The following ABI2 variants were observed in gnomAD, a reference collection of about 807,000 sequenced individuals.
ABI2 encodes abl interactor 2.
A neutral mutation model predicts 59.2 loss-of-function variants in ABI2; 25 were observed. The observed-to-expected ratio is 0.42, with a 90% CI of 0.31 to 0.59. The LOEUF (loss-of-function observed/expected upper bound fraction) is 0.59. Among genes scored for constraint, ABI2 ranks in the 20% least tolerant of loss-of-function variants. The pLI, the probability that ABI2 is intolerant of heterozygous loss-of-function variation, is 0.14. For missense variants in ABI2, 545 were observed against 681.8 expected (o/e 0.80, Z 2.23); for synonymous variants, 213 against 235.5 (o/e 0.90, Z 0.87).
chr2:203,402,824 G>A (rs1325384412), intron 9 of ABI2, 90 bp downstream of exon 9: 1 of 1,122,966 alleles, frequency 8.9e-7, no homozygotes, highest in Non-Finnish European at 1.2e-6. Flanking sequence ...ATAGTGCATG[G>A]TAGGTGGTTA....
At chr2:203,390,487 C>G (rs938780204) in intron 4 of ABI2, among the ~76,000 whole-genome samples, 4 of 152,022 alleles carry the variant, frequency 2.6e-5, no homozygotes, top group African/African-American at 7.2e-5. Context: ...AAAAAATTAG[C>G]TGGTCGTGGT....
intron 9 of ABI2, among the ~76,000 whole-genome samples, chr2:203,404,080 A>G (rs1403239916): frequency 1.3e-5 from 2 of 151,686 alleles, no homozygotes; most frequent in Admixed American, 6.6e-5. Flanking sequence ...CTATTGTCCT[A>G]CCTACATATT....
Position 203,345,674 on chromosome 2 carries a change from G to A in ABI2, c.117+17043G>A, listed in dbSNP as rs567161510. Among the ~76,000 whole-genome samples the A allele has an allele frequency of 7.2e-5, 11 of 151,924 alleles. No individual in the cohort carries two copies. The South Asian group carries it at 1.0e-3, about 14-fold the overall frequency. On this transcript the variant is annotated intron_variant, in intron 1 of 11. Coordinates refer to ENST00000261018, the MANE Select transcript of ABI2 (RefSeq NM_001375670.1). The stretch of plus-strand genomic sequence containing the variant: ...TCCACCCACCTCGGCCTCCCAGAGA[G>A]CTGGGATTACAGGCCTGAGCCACCA...
At chr2:203,354,466 A>ATAT (rs761033035) in intron 1 of ABI2, among the ~76,000 whole-genome samples, 21 of 152,210 alleles carry the variant, frequency 1.4e-4, no homozygotes, top group Non-Finnish European at 2.8e-4. Context: ...TATGAATCTT[A>ATAT]TATGAACATA....
intron 8 of ABI2, among the ~76,000 whole-genome samples, chr2:203,400,175 C>A (rs1490143590): frequency 6.7e-6 from 1 of 148,644 alleles, no homozygotes; most frequent in Non-Finnish European, 1.5e-5. Context: ...GCAATCTCCG[C>A]TGCCTGGATT....
At position 203,395,448 on chromosome 2, in the gene ABI2, T is replaced by TATATATATAGAC. The variant is rs750379504; in HGVS notation, c.726-207_726-206insTATATATAGACA. Among the ~76,000 whole-genome samples, 2 of 115,328 alleles carry TATATATATAGAC rather than the reference T, an allele frequency of 1.7e-5. 1 individual carries two copies. The highest frequency in any genetic ancestry group is 3.5e-5 in the Non-Finnish European group (2 of 56,578). 75.7% of individuals were successfully genotyped at this position (115,328 alleles called of 152,430 possible). ...TAATAAGTAAATATATATATATATA[T>TATATATATAGAC]ACACACACACACACACACACACACA... On this transcript the variant is annotated intron_variant, in intron 6 of 11. Coordinates refer to ENST00000261018, the MANE Select transcript of ABI2 (RefSeq NM_001375670.1).
In ABI2 at chr2:203,328,419, C is replaced by A; in HGVS notation, c.-96C>A. 1 of 1,032,694 alleles carries A rather than the reference C, an allele frequency of 9.7e-7. No homozygotes were observed. The highest frequency in any genetic ancestry group is 1.4e-6 in the Non-Finnish European group (1 of 696,502). 64.0% of individuals were successfully genotyped at this position (1,032,694 alleles called of 1,614,324 possible). Reference sequence around the variant, plus strand: ...CCTTCCGAGTTACCGCCGCCGTCGCCGCCGCTCCTCCTCTCCCGGTCCTGG... The same window carrying A: ...CCTTCCGAGTTACCGCCGCCGTCGCAGCCGCTCCTCCTCTCCCGGTCCTGG... On this transcript the variant is annotated 5_prime_UTR_variant, in exon 1 of 12. Transcript: ENST00000261018.
rs867201046 is a variant in ABI2 at position 203,420,595 on chromosome 2, A to G, written c.1453+3514A>G. Among the ~76,000 whole-genome samples the G allele has an allele frequency of 3.9e-5, 6 of 151,912 alleles. No homozygotes were observed. The South Asian group carries it at 6.3e-4, about 16-fold the overall frequency. On this transcript the variant is annotated intron_variant, in intron 11 of 11. Coordinates refer to ENST00000261018, the MANE Select transcript of ABI2 (RefSeq NM_001375670.1). ...TTTTTAGTAGAGACAGGGTTTCACC[A>G]TGTTAGCCAGGATGGTCTCAATCTC...
rs774200941 is a variant in ABI2, at chr2:203,395,446, T to TACAC, written c.726-209_726-208insCACA. On this transcript the variant is annotated intron_variant, in intron 6 of 11. Transcript: ENST00000261018. ...ATTAATAAGTAAATATATATATATA[T>TACAC]ATACACACACACACACACACACACA... Among the ~76,000 whole-genome samples the TACAC allele has an allele frequency of 5.1e-3, 438 of 85,318 alleles. 2 individuals carry two copies. The highest frequency in any genetic ancestry group is 0.01 in the Middle Eastern group (2 of 196). The allele number at this position is 85,318 out of a possible 152,430, so 56.0% of individuals were successfully genotyped here. A position where few individuals can be genotyped will look rare whatever the true frequency, so the allele number is the denominator to read the frequency against.
intron 1 of ABI2, among the ~76,000 whole-genome samples, chr2:203,350,545 T>G (rs941190485): frequency 2.0e-5 from 3 of 151,364 alleles, no homozygotes; most frequent in Admixed American, 2.0e-4. Flanking sequence ...CTTTTCTTTT[T>G]TTTTTTTTTT....
At chr2:203,389,206 A>G (rs1384546177) in intron 4 of ABI2, among the ~76,000 whole-genome samples, 1 of 152,212 alleles carries the variant, frequency 6.6e-6, no homozygotes, top group Non-Finnish European at 1.5e-5. Flanking sequence ...CCCTCCGCTT[A>G]TTAATGAGAG....
At chr2:203,396,050 C>G (rs2096968680) in intron 7 of ABI2, among the ~76,000 whole-genome samples, 1 of 152,158 alleles carries the variant, frequency 6.6e-6, no homozygotes, top group Non-Finnish European at 1.5e-5. Flanking sequence ...TTAATTCCAG[C>G]TAGTGTTATG....
At chr2:203,359,149 A>G (rs1184212251) in intron 1 of ABI2, among the ~76,000 whole-genome samples, 1 of 152,214 alleles carries the variant, frequency 6.6e-6, no homozygotes, top group Non-Finnish European at 1.5e-5. Flanking sequence ...GGGGTGTGGG[A>G]TGGAGAGAAG....
chr2:203,374,237 G>A (rs1279604022), intron 2 of ABI2, among the ~76,000 whole-genome samples: 2 of 151,912 alleles, frequency 1.3e-5, no homozygotes, highest in African/African-American at 2.4e-5. Context: ...CGTGGCTCAC[G>A]CCTGTAATCC....
chr2:203,417,394 C>A (rs2097943346), intron 11 of ABI2, among the ~76,000 whole-genome samples: 1 of 152,220 alleles, frequency 6.6e-6, no homozygotes, highest in South Asian at 2.1e-4. Flanking sequence ...ATTATTCCTA[C>A]CTCCATGCTT....
chr2:203,351,059 CTT>C (rs1012359786), intron 1 of ABI2, among the ~76,000 whole-genome samples: 3 of 152,062 alleles, frequency 2.0e-5, no homozygotes, highest in African/African-American at 4.8e-5. Context: ...CATATTTACT[CTT>C]TTGCATGTCA....
At chr2:203,331,896 G>A (rs1333094710) in intron 1 of ABI2, among the ~76,000 whole-genome samples, 2 of 146,724 alleles carry the variant, frequency 1.4e-5, no homozygotes, top group Admixed American at 1.4e-4. Flanking sequence ...TGCAACCTTC[G>A]TCCCCCGGGT....
At chr2:203,367,783 G>A (rs1342694936) in intron 2 of ABI2, among the ~76,000 whole-genome samples, 1 of 151,532 alleles carries the variant, frequency 6.6e-6, no homozygotes, top group African/African-American at 2.4e-5. Flanking sequence ...TGGGAGGATC[G>A]CTTCAGCCCA....
chr2:203,338,750 A>G (rs1007804875), intron 1 of ABI2, among the ~76,000 whole-genome samples: 5 of 151,428 alleles, frequency 3.3e-5, no homozygotes, highest in Non-Finnish European at 7.4e-5. Flanking sequence ...TTTTATAAAT[A>G]TGACACCAAA....
Sources: allele counts gnomAD v4.1 joint callset (sites outside exome capture counted in the v4.1 genomes callset), GRCh38; gene constraint gnomAD v4.1.1; transcripts MANE v1.5; gene names NCBI Gene and HGNC (gene_info 2026-07-23, HGNC 2026-07-21).